BLTP1: variants seen among roughly 807,000 people sequenced by gnomAD.
BLTP1 encodes the protein bridge-like lipid transfer protein family member 1, also known as fragile site-associated protein.
the BLTP1 span, chr4:122,249,397 A>G: frequency 1.3e-3 from 2,017 of 1,531,634 alleles, 1 homozygote; most frequent in Non-Finnish European, 1.7e-3. Flanking sequence ...TTTAAAGACA[A>G]CCAGTGTGCC....
the BLTP1 span, chr4:122,183,084 C>A: frequency 1.1e-6 from 1 of 928,950 alleles, no homozygotes; most frequent in Non-Finnish European, 1.3e-6. Context: ...ACTGGTAATC[C>A]CAGCACTTTG....
the BLTP1 span, chr4:122,337,123 C>G: frequency 9.6e-7 from 1 of 1,042,176 alleles, no homozygotes; most frequent in Non-Finnish European, 1.4e-6. Flanking sequence ...TTCTTAACCT[C>G]AGGTTCATGA....
At chr4:122,301,425 A>G in the BLTP1 span, 4 of 1,399,248 alleles carry the variant, frequency 2.9e-6, no homozygotes, top group Non-Finnish European at 3.9e-6. Context: ...ATACTTTTAT[A>G]AAAATTTTTC....
chr4:122,182,982 A>G, the BLTP1 span: 8 of 984,464 alleles, frequency 8.1e-6, no homozygotes, highest in Non-Finnish European at 8.4e-6. Context: ...GTGAGGAGCA[A>G]TTCATTTTAA....
At chr4:122,192,084 G>T in the BLTP1 span, 7 of 667,862 alleles carry the variant, frequency 1.0e-5, no homozygotes, top group South Asian at 2.4e-4. Context: ...AAGACAATAT[G>T]AGAACAACCC....
chr4:122,362,115 T>C, the BLTP1 span: 1 of 1,613,674 alleles, frequency 6.2e-7, no homozygotes, highest in African/African-American at 1.3e-5. Flanking sequence ...ATGCTAGGAC[T>C]ACTATTCCTA....
chr4:122,353,308 A>C, the BLTP1 span: 2 of 894,782 alleles, frequency 2.2e-6, no homozygotes, highest in African/African-American at 3.6e-5. This position sits in a 1 kb window ranked among gnomAD's most constrained non-coding sequence, Gnocchi z 4.3. Flanking sequence ...TAATGTCTGG[A>C]ACATGTTAAT....
chr4:122,167,359 C>G, the BLTP1 span, among the ~76,000 whole-genome samples: 1 of 152,126 alleles, frequency 6.6e-6, no homozygotes, highest in African/African-American at 2.4e-5. Flanking sequence ...TCCTCCTTAT[C>G]CTATTTCTGC....
the BLTP1 span, chr4:122,255,291 A>G: frequency 3.5e-5 from 55 of 1,565,476 alleles, no homozygotes; most frequent in African/African-American, 6.8e-4. Context: ...ATGGTAAGTT[A>G]CTGAAACTAC....
the BLTP1 span, chr4:122,318,054 G>A: frequency 3.1e-6 from 4 of 1,302,312 alleles, no homozygotes; most frequent in Non-Finnish European, 4.2e-6. Context: ...AATCATCTTT[G>A]GTATTCTGAC....
the BLTP1 span, among the ~76,000 whole-genome samples, chr4:122,321,979 ATTTTTTTTTTTTTTTTTTTTTT>A: frequency 1.1e-4 from 3 of 27,018 alleles, no homozygotes; most frequent in African/African-American, 6.5e-4. Context: ...ACTACATGTA[ATTTTTTTTTTTTTTTTTTTTTT>A]TTTTTTTTTT....
the BLTP1 span, among the ~76,000 whole-genome samples, chr4:122,321,716 T>C: frequency 6.6e-6 from 1 of 151,956 alleles, no homozygotes; most frequent in African/African-American, 2.4e-5. Context: ...CTTCTCTCTA[T>C]AAAACTTCTT....
chr4:122,196,386 A>C, the BLTP1 span, among the ~76,000 whole-genome samples: 1 of 152,248 alleles, frequency 6.6e-6, no homozygotes, highest in South Asian at 2.1e-4. Flanking sequence ...ATACTTGTAG[A>C]GAGTCTTTAG....
chr4:122,329,998 C>CA, the BLTP1 span, among the ~76,000 whole-genome samples: 1 of 151,786 alleles, frequency 6.6e-6, no homozygotes, highest in Non-Finnish European at 1.5e-5. Flanking sequence ...CTGTATCTGG[C>CA]ATACTTCATG....
At chr4:122,337,924 ATC>A in the BLTP1 span, among the ~76,000 whole-genome samples, 1 of 150,960 alleles carries the variant, frequency 6.6e-6, no homozygotes, top group African/African-American at 2.4e-5. Flanking sequence ...ATTTAATTAA[ATC>A]TGTTTATCAA....
chr4:122,328,730 A>T, the BLTP1 span: 1 of 984,090 alleles, frequency 1.0e-6, no homozygotes, highest in Non-Finnish European at 1.2e-6. Flanking sequence ...TAAGAAAAGT[A>T]GTAAAGGGAA....
At chr4:122,166,037 A>G in the BLTP1 span, among the ~76,000 whole-genome samples, 208 of 151,986 alleles carry the variant, frequency 1.4e-3, 1 homozygote, top group Middle Eastern at 3.4e-3. Context: ...TGTTCACTCT[A>G]ATGGTAGTTT....
At chr4:122,330,936 G>T in the BLTP1 span, 1 of 953,834 alleles carries the variant, frequency 1.0e-6, no homozygotes, top group Non-Finnish European at 1.2e-6. Flanking sequence ...CAGTTTTTCC[G>T]GCACCATTTG....
chr4:122,325,491 T>C, the BLTP1 span: 2 of 984,804 alleles, frequency 2.0e-6, no homozygotes, highest in African/African-American at 3.5e-5. Flanking sequence ...CCTTATAACA[T>C]TTTCTGAGAG....
Sources: allele counts gnomAD v4.1 joint callset (sites outside exome capture counted in the v4.1 genomes callset), GRCh38; gene constraint gnomAD v4.1.1; non-coding constraint Gnocchi (gnomAD v3.1); transcripts MANE v1.5; gene names NCBI Gene and HGNC (gene_info 2026-07-23, HGNC 2026-07-21).